GABRB1: variants seen among roughly 807,000 people sequenced by gnomAD.
The protein encoded by GABRB1 is gamma-aminobutyric acid type A receptor subunit beta1, also known as gamma-aminobutyric acid receptor subunit beta-1.
A neutral mutation model predicts 51.6 loss-of-function variants in GABRB1; 17 were observed. That is an observed-to-expected ratio of 0.33 (90% CI 0.23 to 0.49). The LOEUF (loss-of-function observed/expected upper bound fraction) is 0.49. GABRB1 is among the 20% of genes least tolerant of loss of function. The pLI is 0.99. For missense variants in GABRB1, 410 were observed against 600.6 expected, an observed-to-expected ratio of 0.68 and a Z score of 3.32; for synonymous variants, 247 against 218.9, an observed-to-expected ratio of 1.13 and a Z score of -1.14.
rs189317198 is a variant in GABRB1 at position 47,105,580 on chromosome 4, T to C, written c.241-55669T>C. 2.3e-3 allele frequency among the ~76,000 whole-genome samples: 352 copies of C among 152,272 alleles called. 1 individual carries two copies. The highest frequency in any genetic ancestry group is 8.2e-3 in the African/African-American group (342 of 41,584). On this transcript the variant is annotated intron_variant, in intron 3 of 8. Coordinates refer to ENST00000295454, the MANE Select transcript of GABRB1 (RefSeq NM_000812.4). ...TTGACAACCAGTGGAGATGTTATTTTCTTTTCCCTTTCTCCTGCCTCAGTA... is the reference window on the plus strand; with the variant it reads ...TTGACAACCAGTGGAGATGTTATTTCCTTTTCCCTTTCTCCTGCCTCAGTA...
intron 1 of GABRB1, among the ~76,000 whole-genome samples, chr4:47,005,826 A>T (rs1447293197): frequency 7.2e-6 from 1 of 139,696 alleles, no homozygotes; most frequent in Non-Finnish European, 1.6e-5. Flanking sequence ...CTGTGCCTTC[A>T]TTTAATTTGT....
chr4:47,026,239 C>A (rs528159765), intron 1 of GABRB1, among the ~76,000 whole-genome samples: 2 of 152,092 alleles, frequency 1.3e-5, no homozygotes, highest in Admixed American at 6.6e-5. Flanking sequence ...CTTGCCCCAA[C>A]AGTTTGTATC....
chr4:47,313,462 A>G (rs1166656044), intron 4 of GABRB1, among the ~76,000 whole-genome samples: 1 of 152,200 alleles, frequency 6.6e-6, no homozygotes, highest in Non-Finnish European at 1.5e-5. Flanking sequence ...GTGACTAACA[A>G]CTGTGAAGCA....
intron 5 of GABRB1, among the ~76,000 whole-genome samples, chr4:47,354,239 T>C (rs1242145663): frequency 6.6e-6 from 1 of 152,212 alleles, no homozygotes; most frequent in Admixed American, 6.5e-5. Context: ...TTGGTGAGTA[T>C]TTAATATGCT....
At chr4:47,410,033 A>G (rs1431446903) in intron 8 of GABRB1, among the ~76,000 whole-genome samples, 2 of 152,362 alleles carry the variant, frequency 1.3e-5, no homozygotes, top group South Asian at 2.1e-4. Flanking sequence ...TTGGGCTTAA[A>G]TGTGGTAAGA....
intron 5 of GABRB1, among the ~76,000 whole-genome samples, chr4:47,366,554 C>T (rs547259427): frequency 6.6e-6 from 1 of 152,256 alleles, no homozygotes; most frequent in Admixed American, 6.5e-5. Flanking sequence ...CACAATCTGG[C>T]TCCAAACTGA....
intron 4 of GABRB1, among the ~76,000 whole-genome samples, chr4:47,202,525 T>A (rs931132849): frequency 2.6e-5 from 4 of 152,228 alleles, no homozygotes; most frequent in African/African-American, 9.6e-5. Flanking sequence ...ATCACTTGTA[T>A]GTAAATAATC....
At chr4:47,395,163 T>C (rs193161652) in intron 5 of GABRB1, among the ~76,000 whole-genome samples, 1 of 152,340 alleles carries the variant, frequency 6.6e-6, no homozygotes, top group Admixed American at 6.5e-5. Context: ...TATTAGTTTG[T>C]TCTCACACTG....
chr4:47,288,381 G>T (rs1244240408), intron 4 of GABRB1, among the ~76,000 whole-genome samples: 1 of 151,938 alleles, frequency 6.6e-6, no homozygotes, highest in East Asian at 1.9e-4. Context: ...TCCTGCCTCA[G>T]CCTCCCAAGT....
chr4:47,422,454 C>T (rs1729119178), intron 8 of GABRB1, among the ~76,000 whole-genome samples: 1 of 152,212 alleles, frequency 6.6e-6, no homozygotes, highest in Non-Finnish European at 1.5e-5. Flanking sequence ...AATCCAGGTT[C>T]TGCTTCAGCT....
chr4:47,115,762 T>TA (rs5858055), intron 3 of GABRB1, among the ~76,000 whole-genome samples: 123 of 152,012 alleles, frequency 8.1e-4, no homozygotes, highest in Non-Finnish European at 1.6e-3. Flanking sequence ...AACAGCATGT[T>TA]AAAAAAACAG....
At chr4:47,398,172 T>G (rs1728243760) in intron 5 of GABRB1, among the ~76,000 whole-genome samples, 1 of 150,452 alleles carries the variant, frequency 6.6e-6, no homozygotes, top group Non-Finnish European at 1.5e-5. Flanking sequence ...TCATCTATTA[T>G]ATGTTATAAG....
At position 47,196,847 on chromosome 4, in the gene GABRB1, A is replaced by G. The variant is rs76798212; in HGVS notation, c.461+35378A>G. Among the ~76,000 whole-genome samples, 528 of 152,308 alleles carry G rather than the reference A, an allele frequency of 3.5e-3. 6 individuals are homozygous for G. The highest frequency in any genetic ancestry group is 0.012 in the African/African-American group (498 of 41,550). On this transcript the variant is annotated intron_variant, in intron 4 of 8. Transcript: ENST00000295454. ...TAGTATTTCTGTGCCTCATGAACAC[A>G]TTTTACATTGAGCACTCTGTAGAGC...
Position 47,032,612 on chromosome 4 carries a change from C to A in GABRB1, c.240+128C>A, listed in dbSNP as rs751462729. ...CCCCTGAGGTCCCACTCCGCACCCG[C>A]TCCCCGCTCCGGCACACACACCCGG... On this transcript the variant is annotated intron_variant, in intron 3 of 8. Transcript: ENST00000295454. The A allele has an allele frequency of 1.6e-5, 13 of 830,452 alleles. No individual in the cohort carries two copies. In the South Asian group the frequency reaches 1.8e-4, roughly 11 times the overall value. The allele number at this position is 830,452 out of a possible 1,614,324, so 51.4% of individuals were successfully genotyped here. A position where few individuals can be genotyped will look rare whatever the true frequency, so the allele number is the denominator to read the frequency against.
chr4:47,205,119 C>G (rs941928433), intron 4 of GABRB1, among the ~76,000 whole-genome samples: 1 of 152,080 alleles, frequency 6.6e-6, no homozygotes, highest in African/African-American at 2.4e-5. Context: ...CATATGAAAT[C>G]CATGTGGCAA....
intron 1 of GABRB1, among the ~76,000 whole-genome samples, chr4:47,001,350 G>T (rs937307359): frequency 1.3e-4 from 20 of 152,104 alleles, no homozygotes; most frequent in South Asian, 8.3e-4. Flanking sequence ...CACCGTGTTA[G>T]CCAGGATGGT....
rs74894218 is a variant in GABRB1 at position 47,206,016 on chromosome 4, T to C, written c.461+44547T>C. On this transcript the variant is annotated intron_variant, in intron 4 of 8. Coordinates refer to ENST00000295454, the MANE Select transcript of GABRB1 (RefSeq NM_000812.4). ...TACAAAAGAACCATGGAGATTTTCT[T>C]AATAAAACACTTCCCGTTTGAGCCA... 3.4e-3 allele frequency among the ~76,000 whole-genome samples: 520 copies of C among 152,054 alleles called. 3 individuals carry two copies. The highest frequency in any genetic ancestry group is 0.012 in the African/African-American group (499 of 41,500).
At chr4:47,397,773 A>G (rs1728228598) in intron 5 of GABRB1, among the ~76,000 whole-genome samples, 1 of 151,820 alleles carries the variant, frequency 6.6e-6, no homozygotes, top group South Asian at 2.1e-4. Context: ...GGGTTTCACC[A>G]TGTTGGCCAG....
At chr4:47,361,054 T>C (rs561586546) in intron 5 of GABRB1, among the ~76,000 whole-genome samples, 2 of 152,262 alleles carry the variant, frequency 1.3e-5, no homozygotes, top group African/African-American at 2.4e-5. Flanking sequence ...TGCTACTGGA[T>C]ACTGCGGCCA....
Sources: allele counts gnomAD v4.1 joint callset (sites outside exome capture counted in the v4.1 genomes callset), GRCh38; gene constraint gnomAD v4.1.1; transcripts MANE v1.5; gene names NCBI Gene and HGNC (gene_info 2026-07-23, HGNC 2026-07-21).